Variants in RAP1GAP observed in about 807,000 individuals in gnomAD.
RAP1GAP encodes RAP1 GTPase activating protein.
RAP1GAP carries 35 observed loss-of-function variants against 87.2 expected under a neutral mutation model. The observed-to-expected ratio is 0.40, with a 90% CI of 0.31 to 0.53. The LOEUF (loss-of-function observed/expected upper bound fraction) is 0.53, where lower values mean the gene tolerates loss of function less well. RAP1GAP is among the 20% of genes least tolerant of loss of function. The probability of loss-of-function intolerance (pLI) is 0.48; values close to 1 mark genes in which losing one functional copy is unlikely to be tolerated. For missense variants in RAP1GAP, 734 were observed against 898.9 expected, an observed-to-expected ratio of 0.82 and a Z score of 2.35; for synonymous variants, 375 against 363.9, an observed-to-expected ratio of 1.03 and a Z score of -0.35.
chr1:21,659,231 C>CT (rs2096999121), intron 1 of RAP1GAP, among the ~76,000 whole-genome samples: 1 of 152,172 alleles, frequency 6.6e-6, no homozygotes, highest in Non-Finnish European at 1.5e-5. Context: ...AACGTGTTCT[C>CT]TAATGGGTCC....
Position 21,606,189 on chromosome 1 carries a change from G to T in RAP1GAP, c.1305C>A (p.Ile435=). The T allele has an allele frequency of 6.3e-7, 1 of 1,581,424 alleles. No homozygotes were observed. Among genetic ancestry groups the T allele is most frequent in the Non-Finnish European group, 8.6e-7 (1 of 1,164,714 alleles). ...CATCCATGGACTGGCTGCGGCTCCGGATGACCCGCTGTGAAGGGGGTGGCA... is the reference window on the plus strand; with the variant it reads ...CATCCATGGACTGGCTGCGGCTCCGTATGACCCGCTGTGAAGGGGGTGGCA... ...GGFFESFKRV[I]RSRSQSMDAM... The change falls in exon 18 of 25, where the codon ATC becomes ATA. Residue 435 remains isoleucine, a synonymous_variant. Transcript: ENST00000374765.
intron 2 of RAP1GAP, among the ~76,000 whole-genome samples, chr1:21,646,900 G>A (rs1392261128): frequency 6.6e-6 from 1 of 152,160 alleles, no homozygotes; most frequent in East Asian, 1.9e-4. Context: ...AGGGGTTAGG[G>A]ATGTGTAGGG....
At chr1:21,599,459 T>C in intron 21 of RAP1GAP, 35 bp downstream of exon 21, 1 of 1,588,806 alleles carries the variant, frequency 6.3e-7, no homozygotes, top group Non-Finnish European at 8.5e-7. Context: ...CCTTCCAAGC[T>C]CCTGTGGGGC....
chr1:21,631,799 C>T (rs1250624038), intron 2 of RAP1GAP, among the ~76,000 whole-genome samples: 1 of 152,202 alleles, frequency 6.6e-6, no homozygotes, highest in Non-Finnish European at 1.5e-5. Flanking sequence ...CCCCAGGTCG[C>T]ACAATGGGAA....
chr1:21,649,581 A>G (rs1326592039), intron 2 of RAP1GAP, among the ~76,000 whole-genome samples, 180 bp downstream of exon 2: 1 of 152,066 alleles, frequency 6.6e-6, no homozygotes, highest in Non-Finnish European at 1.5e-5. Context: ...CCTGCCTCCA[A>G]GGCTCTCTAA....
At chr1:21,599,742 C>G in intron 20 of RAP1GAP, 125 bp from the exon 21 acceptor site, 1 of 1,311,452 alleles carries the variant, frequency 7.6e-7, no homozygotes, top group Non-Finnish European at 1.0e-6. Context: ...TTTGAGGACC[C>G]CTTACAGATC....
At position 21,597,060 on chromosome 1, in the gene RAP1GAP, C is replaced by T. The variant is rs1645481089; in HGVS notation, c.*239G>A. 1 of 152,656 alleles carries T rather than the reference C, an allele frequency of 6.6e-6. No homozygotes were observed. The highest frequency in any genetic ancestry group is 2.4e-5 in the African/African-American group (1 of 41,436). 9.5% of individuals were successfully genotyped at this position (152,656 alleles called of 1,614,324 possible). A position where few individuals can be genotyped will look rare whatever the true frequency, so the allele number is the denominator to read the frequency against. Reference sequence around the variant, plus strand: ...CAATCCCTGCCCCAGCCCAGACCCCCAGGCTGGGGGTGGGGACGATGCCAG... The same window carrying T: ...CAATCCCTGCCCCAGCCCAGACCCCTAGGCTGGGGGTGGGGACGATGCCAG... On this transcript the variant is annotated 3_prime_UTR_variant, in exon 25 of 25. Transcript: ENST00000374765.
chr1:21,614,772 G>A (rs1028051444), intron 7 of RAP1GAP, among the ~76,000 whole-genome samples: 6 of 152,262 alleles, frequency 3.9e-5, no homozygotes, highest in Admixed American at 2.6e-4. Flanking sequence ...CAAAGCCGAG[G>A]GCTGGAAGTT....
chr1:21,651,316 G>A, intron 1 of RAP1GAP: 1 of 429,706 alleles, frequency 2.3e-6, no homozygotes, highest in South Asian at 1.7e-5. Context: ...TCACTGAGGG[G>A]CCCAACAGCT....
chr1:21,639,624 A>C (rs1478949147), intron 2 of RAP1GAP, among the ~76,000 whole-genome samples: 1 of 152,226 alleles, frequency 6.6e-6, no homozygotes, highest in South Asian at 2.1e-4. Flanking sequence ...CTAAGCTAGA[A>C]GCCACCTTGC....
chr1:21,610,126 G>A lies in RAP1GAP; in HGVS notation c.993C>T (p.Leu331=), dbSNP rs375777591. The change falls in exon 14 of 25, where the codon CTC becomes CTT. Residue 331 remains leucine, a synonymous_variant. Coordinates refer to ENST00000374765, the MANE Select transcript of RAP1GAP (RefSeq NM_002885.4). The part of the protein sequence containing the change: ...QAEGGGPDGP[L]YKVSVTARDD... ...AGGCTCCAAGAGCGCCCACCTTGTA[G>A]AGGGGGCCATCAGGGCCCCCGCCCT... 2.7e-5 allele frequency: 44 copies of A among 1,613,680 alleles called. No homozygotes were observed. The highest frequency in any genetic ancestry group is 3.5e-5 in the Non-Finnish European group (41 of 1,179,918).
intron 2 of RAP1GAP, chr1:21,626,921 C>T (rs1251968443): frequency 3.5e-5 from 16 of 456,682 alleles, no homozygotes; most frequent in Admixed American, 7.0e-5. Context: ...GCCTCCTCAC[C>T]ACACTGGTAT....
chr1:21,650,138 C>T (rs1020682408), intron 1 of RAP1GAP, among the ~76,000 whole-genome samples: 3 of 152,046 alleles, frequency 2.0e-5, no homozygotes, highest in South Asian at 2.1e-4. Flanking sequence ...TGTAGGGGTG[C>T]GGCTGGGGCT....
intron 5 of RAP1GAP, 74 bp downstream of exon 5, chr1:21,618,951 T>C: frequency 7.0e-7 from 1 of 1,437,866 alleles, no homozygotes; most frequent in South Asian, 1.2e-5. Flanking sequence ...TCCTGCTTGA[T>C]GGGCAGTGGT....
At chr1:21,657,451 G>A (rs575082999) in intron 1 of RAP1GAP, among the ~76,000 whole-genome samples, 1 of 152,222 alleles carries the variant, frequency 6.6e-6, no homozygotes, top group Non-Finnish European at 1.5e-5. Context: ...AACACGCATG[G>A]AGCATCCAGC....
chr1:21,611,994 G>T lies in RAP1GAP; in HGVS notation c.612+32C>A, dbSNP rs1017329149. The T allele has an allele frequency of 6.6e-6, 10 of 1,511,770 alleles. No individual in the cohort carries two copies. In the Admixed American group the frequency reaches 1.6e-4, roughly 24 times the overall value. 93.6% of individuals were successfully genotyped at this position (1,511,770 alleles called of 1,614,324 possible). On this transcript the variant is annotated intron_variant, in intron 11 of 24. Coordinates refer to ENST00000374765, the MANE Select transcript of RAP1GAP (RefSeq NM_002885.4). Reference sequence around the variant, plus strand: ...TGAGGCTCCAGATATGGGGCCAGGTGGGGAGGGGCGGCAGGGAGGAGGTGA... The same window carrying T: ...TGAGGCTCCAGATATGGGGCCAGGTTGGGAGGGGCGGCAGGGAGGAGGTGA...
intron 2 of RAP1GAP, among the ~76,000 whole-genome samples, chr1:21,639,297 A>G (rs904645878): frequency 6.6e-6 from 1 of 152,208 alleles, no homozygotes; most frequent in African/African-American, 2.4e-5. Flanking sequence ...GGAGCTCTAA[A>G]TAACTTTCTG....
intron 3 of RAP1GAP, among the ~76,000 whole-genome samples, chr1:21,624,635 G>A (rs1027526374): frequency 6.6e-6 from 1 of 152,136 alleles, no homozygotes; most frequent in Non-Finnish European, 1.5e-5. Context: ...TGTCAAAGGA[G>A]GATGGTCCAC....
At chr1:21,617,076 A>C (rs1186648261) in intron 7 of RAP1GAP, among the ~76,000 whole-genome samples, 3 of 152,200 alleles carry the variant, frequency 2.0e-5, no homozygotes, top group African/African-American at 7.2e-5. Flanking sequence ...TCTGCCATGA[A>C]CCACCATGCC....
Sources: gnomAD v4.1 joint callset for allele counts (sites outside exome capture counted in the v4.1 genomes callset) on GRCh38, gnomAD v4.1.1 for gene constraint, MANE v1.5 for transcripts, NCBI Gene and HGNC (gene_info 2026-07-23, HGNC 2026-07-21) for gene names.